The following NLN variants were observed in gnomAD, a reference collection of about 807,000 sequenced individuals.
The protein encoded by NLN is neurolysin, mitochondrial.
NLN carries 64 observed loss-of-function variants against 79.9 expected under a neutral mutation model. The ratio of observed to expected loss-of-function variants is 0.80; its 90% CI spans 0.65 to 0.99. The LOEUF is 0.99. Ranked by LOEUF, NLN falls within the 50% of genes least tolerant of loss-of-function variation. NLN has a pLI of 0.00. For synonymous variants in NLN, 267 were observed against 296.6 expected (o/e 0.90, Z 1.02); for missense variants, 835 against 858.7 (o/e 0.97, Z 0.34).
rs376664696 is a variant in NLN, at chr5:65,792,436, C to G, written c.1326-18C>G. On this transcript the variant is annotated intron_variant, in intron 8 of 12. Coordinates refer to ENST00000380985, the MANE Select transcript of NLN (RefSeq NM_020726.5). ...GGAGAATTTTCCTATGTTGCCAACG[C>G]GTGTTTCTGGCTCCTAGGGAAGGAA... The G allele has an allele frequency of 2.5e-6, 4 of 1,586,388 alleles. No homozygotes were observed. The highest frequency in any genetic ancestry group is 3.5e-6 in the Non-Finnish European group (4 of 1,156,686).
At chr5:65,787,264 GT>G (rs1759949675) in intron 7 of NLN, among the ~76,000 whole-genome samples, 1 of 151,808 alleles carries the variant, frequency 6.6e-6, no homozygotes. Flanking sequence ...ATGTGTGTGT[GT>G]GTGTGTGTGT....
intron 1 of NLN, among the ~76,000 whole-genome samples, chr5:65,727,330 G>A (rs1758498448): frequency 6.6e-6 from 1 of 152,054 alleles, no homozygotes; most frequent in African/African-American, 2.4e-5. Flanking sequence ...ACCATGCCCA[G>A]CTAATTTGAA....
chr5:65,811,957 G>A (rs1264486294), intron 11 of NLN, among the ~76,000 whole-genome samples: 1 of 152,216 alleles, frequency 6.6e-6, no homozygotes, highest in Non-Finnish European at 1.5e-5. Flanking sequence ...AGATAAGAAA[G>A]GACTGATTTC....
In NLN at chr5:65,826,401, A is replaced by G. The variant is rs1760920963; in HGVS notation, c.*3486A>G. 6.6e-6 allele frequency: 1 copy of G among 152,180 alleles called. No individual in the cohort carries two copies. The highest frequency in any genetic ancestry group is 1.5e-5 in the Non-Finnish European group (1 of 68,024). 9.4% of individuals were successfully genotyped at this position (152,180 alleles called of 1,614,324 possible). On this transcript the variant is annotated 3_prime_UTR_variant, in exon 13 of 13. Transcript: ENST00000380985. ...GATGGGGCACAAACATTCAGTCCATAACGAATACTGATTCCTCAAATAGGG... is the reference window on the plus strand; with the variant it reads ...GATGGGGCACAAACATTCAGTCCATGACGAATACTGATTCCTCAAATAGGG...
intron 1 of NLN, among the ~76,000 whole-genome samples, chr5:65,746,437 T>C (rs1758979897): frequency 6.6e-6 from 1 of 152,162 alleles, no homozygotes; most frequent in African/African-American, 2.4e-5. Context: ...TTAGTAGAAA[T>C]CACTGGGGAC....
At chr5:65,776,525 A>G (rs1187512690) in intron 3 of NLN, among the ~76,000 whole-genome samples, 1 of 152,224 alleles carries the variant, frequency 6.6e-6, no homozygotes, top group African/African-American at 2.4e-5. Flanking sequence ...TAGAAGGCCT[A>G]TAAGGCTTTA....
chr5:65,784,007 C>T (rs1759860479), intron 6 of NLN, among the ~76,000 whole-genome samples: 1 of 152,056 alleles, frequency 6.6e-6, no homozygotes, highest in Admixed American at 6.5e-5. Flanking sequence ...CATGATTACT[C>T]TCCAGTGTAT....
rs992464307 is a variant in NLN at position 65,825,267 on chromosome 5, A to T, written c.*2352A>T. 3 of 152,018 alleles carry T rather than the reference A, an allele frequency of 2.0e-5. No homozygotes were observed. The highest frequency in any genetic ancestry group is 4.8e-5 in the African/African-American group (2 of 41,376). The allele number at this position is 152,018 out of a possible 1,614,324, so 9.4% of individuals were successfully genotyped here. A position where few individuals can be genotyped will look rare whatever the true frequency, so the allele number is the denominator to read the frequency against. Reference sequence around the variant, plus strand: ...GATCAGAGCAGAGAATATCACTGACATGCTTGAAATGGTGGATAACTATGT... The same window carrying T: ...GATCAGAGCAGAGAATATCACTGACTTGCTTGAAATGGTGGATAACTATGT... On this transcript the variant is annotated 3_prime_UTR_variant, in exon 13 of 13. Coordinates refer to ENST00000380985, the MANE Select transcript of NLN (RefSeq NM_020726.5).
chr5:65,783,267 A>G (rs1034923564), intron 6 of NLN, among the ~76,000 whole-genome samples: 15 of 152,170 alleles, frequency 9.9e-5, no homozygotes, highest in African/African-American at 3.1e-4. Context: ...TGAATTTTAC[A>G]TGGCTAAAAT....
chr5:65,801,504 T>G (rs563272563), intron 9 of NLN, among the ~76,000 whole-genome samples: 1 of 152,368 alleles, frequency 6.6e-6, no homozygotes, highest in African/African-American at 2.4e-5. Context: ...GCTTTCAAAT[T>G]TTGTAGGTTC....
At position 65,789,755 on chromosome 5, in the gene NLN, A is replaced by T. The variant is rs76380782; in HGVS notation, c.1325+1271A>T. On this transcript the variant is annotated intron_variant, in intron 8 of 12. Transcript: ENST00000380985. The stretch of plus-strand genomic sequence containing the variant: ...AGAGCAAGATTCTAACTCAAAAAAC[A>T]TAAATAAATAAAATTGAGCACCAAA... Among the ~76,000 whole-genome samples the T allele has an allele frequency of 2.1e-3, 323 of 152,374 alleles. 7 individuals carry two copies. The East Asian group carries it at 0.053, about 25-fold the overall frequency.
Position 65,800,871 on chromosome 5 carries a change from T to G in NLN, c.1527+8216T>G, listed in dbSNP as rs540754094. On this transcript the variant is annotated intron_variant, in intron 9 of 12. Coordinates refer to ENST00000380985, the MANE Select transcript of NLN (RefSeq NM_020726.5). The stretch of plus-strand genomic sequence containing the variant: ...ATGCCCAGCTAATTTTTTTATAGTT[T>G]TTGTAGAGATGGGGTTTCACAATGT... Among the ~76,000 whole-genome samples the G allele has an allele frequency of 1.2e-4, 18 of 151,852 alleles. No homozygotes were observed. The South Asian group carries it at 3.5e-3, about 30-fold the overall frequency.
rs1015636043 is a variant in NLN at position 65,829,107 on chromosome 5, C to G, written c.*6192C>G. The G allele has an allele frequency of 6.6e-6, 1 of 152,312 alleles. No individual in the cohort carries two copies. The highest frequency in any genetic ancestry group is 3.4e-3 in the Middle Eastern group (1 of 294). The allele number at this position is 152,312 out of a possible 1,614,324, so 9.4% of individuals were successfully genotyped here. On this transcript the variant is annotated 3_prime_UTR_variant, in exon 13 of 13. Coordinates refer to ENST00000380985, the MANE Select transcript of NLN (RefSeq NM_020726.5). ...CTCTGTCCATTCCACTCACTACTGT[C>G]TTCATCACACACACAGAGGCAAACG... is the stretch of plus-strand genomic sequence containing the variant.
intron 3 of NLN, among the ~76,000 whole-genome samples, chr5:65,767,341 C>A (rs1759473616): frequency 6.6e-6 from 1 of 152,204 alleles, no homozygotes; most frequent in Non-Finnish European, 1.5e-5. Context: ...CATGTGGAAA[C>A]CACCAAGGCT....
intron 12 of NLN, among the ~76,000 whole-genome samples, chr5:65,821,273 G>A (rs571318966): frequency 1.3e-5 from 2 of 152,192 alleles, no homozygotes; most frequent in Non-Finnish European, 1.5e-5. Context: ...TATCATACTA[G>A]AACACTGTGT....
chr5:65,770,712 A>G (rs971441931), intron 3 of NLN, among the ~76,000 whole-genome samples: 1 of 152,248 alleles, frequency 6.6e-6, no homozygotes, highest in African/African-American at 2.4e-5. Flanking sequence ...GTGCAAGGTA[A>G]TATTGAACAA....
At chr5:65,812,046 C>T (rs990758573) in intron 11 of NLN, among the ~76,000 whole-genome samples, 14 of 152,020 alleles carry the variant, frequency 9.2e-5, no homozygotes, top group African/African-American at 1.7e-4. Context: ...AGCTTGGGGC[C>T]GAAACCAGCT....
intron 1 of NLN, among the ~76,000 whole-genome samples, chr5:65,752,684 A>G (rs1385410873): frequency 6.6e-6 from 1 of 152,182 alleles, no homozygotes; most frequent in Admixed American, 6.5e-5. Flanking sequence ...AAATGTAACA[A>G]AGGGGAAGAG....
intron 1 of NLN, among the ~76,000 whole-genome samples, chr5:65,724,772 A>G (rs1758420035): frequency 6.8e-6 from 1 of 147,262 alleles, no homozygotes; most frequent in South Asian, 2.2e-4. Flanking sequence ...GATAACAGTT[A>G]TCCTAGGAGT....
Sources: gnomAD v4.1 joint callset for allele counts (sites outside exome capture counted in the v4.1 genomes callset) on GRCh38, gnomAD v4.1.1 for gene constraint, MANE v1.5 for transcripts, NCBI Gene and HGNC (gene_info 2026-07-23, HGNC 2026-07-21) for gene names.